Variants in CSMD1 observed in about 807,000 individuals in gnomAD.
CSMD1 encodes the protein CUB and Sushi multiple domains 1, also known as CUB and sushi domain-containing protein 1.
In CSMD1, 213 loss-of-function variants were observed where a neutral mutation model predicts 417.5. The observed-to-expected ratio is 0.51, with a 90% CI of 0.46 to 0.57. The LOEUF is 0.57. Among genes scored for constraint, CSMD1 ranks in the 20% least tolerant of loss-of-function variants. The pLI is 0.00. For missense variants in CSMD1, 6,923 were observed against 4,529.7 expected, an observed-to-expected ratio of 1.53 and a Z score of -15.17; for synonymous variants, 2,862 against 1,736.8, an observed-to-expected ratio of 1.65 and a Z score of -16.11.
intron 6 of CSMD1, among the ~76,000 whole-genome samples, chr8:3,725,183 G>C (rs1802413031): frequency 6.6e-6 from 1 of 152,166 alleles, no homozygotes; most frequent in Non-Finnish European, 1.5e-5. Flanking sequence ...TGAAGGCAAG[G>C]AGGTAGGTTC....
intron 7 of CSMD1, among the ~76,000 whole-genome samples, chr8:3,672,224 T>C (rs1360255509): frequency 6.6e-6 from 1 of 152,170 alleles, no homozygotes; most frequent in Non-Finnish European, 1.5e-5. Context: ...TGATTTGTTA[T>C]TTGCTCATAA....
chr8:4,318,249 G>T (rs940465818), intron 3 of CSMD1, among the ~76,000 whole-genome samples: 10 of 152,204 alleles, frequency 6.6e-5, no homozygotes, highest in African/African-American at 2.4e-4. Context: ...AGAAAGAAAT[G>T]ACACTTGGTA....
At chr8:3,278,873 G>C (rs1802515140) in intron 26 of CSMD1, 2 of 152,204 alleles carry the variant, frequency 1.3e-5, no homozygotes, top group South Asian at 4.1e-4. Context: ...TGTGGGTGGA[G>C]TGAGAGGGAC....
intron 5 of CSMD1, among the ~76,000 whole-genome samples, chr8:3,905,201 A>C (rs985459090): frequency 2.6e-5 from 4 of 152,216 alleles, no homozygotes; most frequent in Non-Finnish European, 5.9e-5. Flanking sequence ...CATATAAAAG[A>C]TAATATTTTT....
At chr8:3,104,354 G>C (rs888570069) in intron 46 of CSMD1, among the ~76,000 whole-genome samples, 4 of 152,076 alleles carry the variant, frequency 2.6e-5, no homozygotes, top group Non-Finnish European at 5.9e-5. Flanking sequence ...TCCTGACTTT[G>C]CACCCAATGC....
rs376384573 is a variant in CSMD1, at chr8:4,389,063, C to CT, written c.415+30889dup. ...TTAGTCTGGTCTTATTTTACATTTGCTTTTCTCTTACTCTACATTATAGGA... is the reference window on the plus strand; with the variant it reads ...TTAGTCTGGTCTTATTTTACATTTGCTTTTTCTCTTACTCTACATTATAGGA... On this transcript the variant is annotated intron_variant, in intron 3 of 69. Transcript: ENST00000635120. Among the ~76,000 whole-genome samples, 818 of 152,282 alleles carry CT rather than the reference C, an allele frequency of 5.4e-3. 9 individuals are homozygous for CT. The highest frequency in any genetic ancestry group is 0.017 in the African/African-American group (725 of 41,564).
chr8:4,470,002 G>C (rs528215026), intron 2 of CSMD1, among the ~76,000 whole-genome samples: 1 of 151,910 alleles, frequency 6.6e-6, no homozygotes, highest in Non-Finnish European at 1.5e-5. Flanking sequence ...CGAGTAGCTG[G>C]GATTACAGGC....
At chr8:4,427,488 TACAC>T (rs3056569) in intron 2 of CSMD1, among the ~76,000 whole-genome samples, 118,269 of 149,746 alleles carry the variant, frequency 0.79, 46,891 homozygotes, top group Middle Eastern at 0.86. Flanking sequence ...CTTAATCAAA[TACAC>T]ACACACACAC....
intron 1 of CSMD1, among the ~76,000 whole-genome samples, chr8:4,887,862 G>A (rs573478052): frequency 6.6e-6 from 1 of 152,032 alleles, no homozygotes; most frequent in South Asian, 2.1e-4. Context: ...GCTTTTGCAT[G>A]ACTGATATTT....
At chr8:3,343,178 C>A (rs1807773584) in intron 23 of CSMD1, 116 bp downstream of exon 23, 21 of 855,122 alleles carry the variant, frequency 2.5e-5, no homozygotes, top group Middle Eastern at 3.3e-4. Context: ...AAACTGCAAT[C>A]AAAAACACAG....
chr8:4,229,528 C>A (rs757430150), intron 3 of CSMD1, among the ~76,000 whole-genome samples: 7 of 152,180 alleles, frequency 4.6e-5, no homozygotes, highest in East Asian at 1.9e-4. Flanking sequence ...AGCTTTTTTC[C>A]TCTTATTTCT....
At chr8:4,588,607 A>G (rs1799823293) in intron 2 of CSMD1, among the ~76,000 whole-genome samples, 1 of 151,858 alleles carries the variant, frequency 6.6e-6, no homozygotes, top group Admixed American at 6.6e-5. Flanking sequence ...TAACACGGTG[A>G]AACCCCATCC....
At chr8:4,364,204 G>A (rs553153900) in intron 3 of CSMD1, among the ~76,000 whole-genome samples, 3 of 152,012 alleles carry the variant, frequency 2.0e-5, no homozygotes, top group East Asian at 3.9e-4. Context: ...TAAAAAATAA[G>A]TTATTGTAAA....
intron 3 of CSMD1, among the ~76,000 whole-genome samples, chr8:4,214,866 G>GT (rs926241312): frequency 5.9e-5 from 9 of 151,394 alleles, no homozygotes; most frequent in Non-Finnish European, 8.8e-5. Context: ...TTTAGATAGC[G>GT]TTTTTTTAAA....
intron 23 of CSMD1, among the ~76,000 whole-genome samples, chr8:3,340,914 T>G (rs1311397288): frequency 6.6e-6 from 1 of 152,168 alleles, no homozygotes; most frequent in Non-Finnish European, 1.5e-5. Context: ...TCCTGTCAAA[T>G]TGATTATAAT....
chr8:2,948,940 TTTG>T (rs1378490148), intron 68 of CSMD1, among the ~76,000 whole-genome samples: 1 of 151,930 alleles, frequency 6.6e-6, no homozygotes, highest in African/African-American at 2.4e-5. Flanking sequence ...TTTTTATATG[TTTG>T]TTGGCCACTT....
At chr8:4,303,698 C>T (rs532101365) in intron 3 of CSMD1, among the ~76,000 whole-genome samples, 1 of 151,820 alleles carries the variant, frequency 6.6e-6, no homozygotes, top group Non-Finnish European at 1.5e-5. Flanking sequence ...CTCTCTTGCC[C>T]AGACTGGAGC....
chr8:3,790,635 C>A (rs1472084566), intron 5 of CSMD1, among the ~76,000 whole-genome samples: 3 of 152,074 alleles, frequency 2.0e-5, no homozygotes, highest in African/African-American at 7.2e-5. Flanking sequence ...TATCAAAACA[C>A]AAAGAGATAA....
chr8:4,969,211 T>C (rs563440450), intron 1 of CSMD1, among the ~76,000 whole-genome samples: 1 of 152,264 alleles, frequency 6.6e-6, no homozygotes, highest in South Asian at 2.1e-4. Flanking sequence ...ACTGCTATGC[T>C]AGTGACTTGT....
Sources: gnomAD v4.1 joint callset for allele counts (sites outside exome capture counted in the v4.1 genomes callset) on GRCh38, gnomAD v4.1.1 for gene constraint, MANE v1.5 for transcripts, NCBI Gene and HGNC (gene_info 2026-07-23, HGNC 2026-07-21) for gene names.